MASTL: variants seen among roughly 807,000 people sequenced by gnomAD.
MASTL encodes serine/threonine-protein kinase greatwall.
MASTL carries 54 observed loss-of-function variants against 82.5 expected under a neutral mutation model. The observed-to-expected ratio is 0.65, with a 90% CI of 0.53 to 0.82. The LOEUF (loss-of-function observed/expected upper bound fraction) is 0.82. MASTL is among the 40% of genes least tolerant of loss of function. The probability of loss-of-function intolerance (pLI) is 0.00; values close to 1 mark genes in which losing one functional copy is unlikely to be tolerated. For synonymous variants in MASTL, 323 were observed against 368.9 expected (o/e 0.88, Z 1.43); for missense variants, 950 against 1,047.8 (o/e 0.91, Z 1.29).
At position 27,155,354 on chromosome 10, in the gene MASTL, T is replaced by C. The variant is rs2057316686; in HGVS notation, c.-73T>C. The C allele has an allele frequency of 3.4e-6, 5 of 1,469,936 alleles. No individual in the cohort carries two copies. The highest frequency in any genetic ancestry group is 2.4e-4 in the Middle Eastern group (1 of 4,154). The allele number at this position is 1,469,936 out of a possible 1,614,324, so 91.1% of individuals were successfully genotyped here. On this transcript the variant is annotated 5_prime_UTR_variant, in exon 1 of 12. Coordinates refer to ENST00000375940, the MANE Select transcript of MASTL (RefSeq NM_001172303.3). The stretch of plus-strand genomic sequence containing the variant: ...GCGCGCGGCGTGGGCGGAGCCTCAC[T>C]TTGAACCCAGTTGGCGGGAGTGGCT...
chr10:27,163,620 T>C (rs1470831913), intron 4 of MASTL, among the ~76,000 whole-genome samples: 1 of 147,206 alleles, frequency 6.8e-6, no homozygotes, highest in Non-Finnish European at 1.5e-5. Context: ...ATTTACTTAT[T>C]TGTTTTTTTT....
In MASTL at chr10:27,158,092, ATT is replaced by A. The variant is rs2057452425; in HGVS notation, c.187-451_187-450del. Among the ~76,000 whole-genome samples the A allele has an allele frequency of 2.0e-5, 3 of 152,278 alleles. No homozygotes were observed. The South Asian group carries it at 6.2e-4, about 32-fold the overall frequency. On this transcript the variant is annotated intron_variant, in intron 1 of 11. Coordinates refer to ENST00000375940, the MANE Select transcript of MASTL (RefSeq NM_001172303.3). ...CAAGATAAGCAATTCTATCTTGAAG[ATT>A]TTTTTAAACCGTCTTAACTATTTTT...
Position 27,155,529 on chromosome 10 carries a change from T to C in MASTL, c.103T>C (p.Phe35Leu), listed in dbSNP as rs1198876210. Residue 35 changes from phenylalanine (F) to leucine (L), a missense_variant, in exon 1 of 12, where the codon TTC (phenylalanine) becomes CTC (leucine). Transcript: ENST00000375940. ...AVPKPPSIEE[F>L]SIVKPISRGA... ...GCCAAAACCGCCCTCCATTGAGGAATTCAGCATAGTGAAGCCCATTAGCCG... is the reference window on the plus strand; with the variant it reads ...GCCAAAACCGCCCTCCATTGAGGAACTCAGCATAGTGAAGCCCATTAGCCG... 7 of 1,614,064 alleles carry C rather than the reference T, an allele frequency of 4.3e-6. No individual in the cohort carries two copies. The highest frequency in any genetic ancestry group is 5.9e-6 in the Non-Finnish European group (7 of 1,180,024).
chr10:27,154,532 A>G (rs911138519), upstream of MASTL: 1 of 460,048 alleles, frequency 2.2e-6, no homozygotes, highest in Non-Finnish European at 3.9e-6. Flanking sequence ...GCTGTTTTTT[A>G]AGGGGAGAAC....
intron 11 of MASTL, 40 bp from the exon 12 acceptor site, chr10:27,186,339 G>A: frequency 6.4e-7 from 1 of 1,570,574 alleles, no homozygotes; most frequent in Non-Finnish European, 8.8e-7. Context: ...ACTTACTTAG[G>A]TAATGATATC....
Position 27,173,205 on chromosome 10 carries a change from A to C in MASTL, c.2212A>C (p.Ile738Leu). 1 of 1,614,220 alleles carries C rather than the reference A, an allele frequency of 6.2e-7. No individual in the cohort carries two copies. The stretch of plus-strand genomic sequence containing the variant: ...GGTGGCCCCCGTTGATGATGGGCGA[A>C]TTCTAGGAACCCCAGACTACCTTGC... ...RGVAPVDDGR[I>L]LGTPDYLAPE... Residue 738 changes from isoleucine to leucine, a missense_variant, in exon 9 of 12, where the codon ATT becomes CTT. Ile to Leu is a conservative substitution (Grantham distance 5). Coordinates refer to ENST00000375940, the MANE Select transcript of MASTL (RefSeq NM_001172303.3).
At chr10:27,165,259 A>G in intron 5 of MASTL, 89 bp downstream of exon 5, 1 of 1,382,688 alleles carries the variant, frequency 7.2e-7, no homozygotes, top group African/African-American at 1.4e-5. Flanking sequence ...AAAGATCAAA[A>G]TAGATTTAAA....
chr10:27,185,478 C>A (rs1316936350), intron 11 of MASTL, among the ~76,000 whole-genome samples: 1 of 151,690 alleles, frequency 6.6e-6, no homozygotes, highest in African/African-American at 2.4e-5. Context: ...ACTAAAAATA[C>A]AAAAATTAGC....
chr10:27,163,103 GAC>G (rs1468913955), intron 4 of MASTL, among the ~76,000 whole-genome samples: 3 of 152,066 alleles, frequency 2.0e-5, no homozygotes, highest in South Asian at 2.1e-4. Flanking sequence ...TTTTAGTAGA[GAC>G]ACAGTTTCAC....
chr10:27,177,881 A>G, intron 9 of MASTL: 1 of 527,614 alleles, frequency 1.9e-6, no homozygotes, highest in Non-Finnish European at 2.4e-6. Context: ...AAGTATAACT[A>G]GATCACATTG....
intron 4 of MASTL, among the ~76,000 whole-genome samples, chr10:27,163,684 G>A (rs1209876735): frequency 6.6e-6 from 1 of 151,158 alleles, no homozygotes; most frequent in Non-Finnish European, 1.5e-5. Context: ...GTGCTGGAGT[G>A]CAGGGGCACA....
chr10:27,161,204 T>C, intron 4 of MASTL, 22 bp downstream of exon 4: 1 of 1,413,246 alleles, frequency 7.1e-7, no homozygotes, highest in African/African-American at 1.4e-5. Flanking sequence ...ATCAAGTAAG[T>C]ACTTTTTTAA....
At chr10:27,160,122 A>G (rs1483859894) in intron 3 of MASTL, among the ~76,000 whole-genome samples, 1 of 142,236 alleles carries the variant, frequency 7.0e-6, no homozygotes. Flanking sequence ...TAGCCTCCCA[A>G]GTGTCTGGGA....
At position 27,170,885 on chromosome 10, in the gene MASTL, G is replaced by A. The variant is rs1267683680; in HGVS notation, c.1926G>A (p.Val642=). 1.2e-6 allele frequency: 2 copies of A among 1,614,172 alleles called. No individual in the cohort carries two copies. Among genetic ancestry groups the A allele is most frequent in the Non-Finnish European group, 1.7e-6 (2 of 1,180,022 alleles). Reference sequence around the variant, plus strand: ...AAATGTTAGGTCCTCCTTTGGAGGTGCTGAAAACGTTAGCCTCTAAAAGAA... The same window carrying A: ...AAATGTTAGGTCCTCCTTTGGAGGTACTGAAAACGTTAGCCTCTAAAAGAA... ...NQKMLGPPLE[V]LKTLASKRNA... The change falls in exon 8 of 12, where the codon GTG becomes GTA. Residue 642 remains valine, a synonymous_variant. Transcript: ENST00000375940.
chr10:27,182,246 CAA>C (rs139820757), intron 11 of MASTL, among the ~76,000 whole-genome samples: 1 of 135,362 alleles, frequency 7.4e-6, no homozygotes, highest in Non-Finnish European at 1.6e-5. Context: ...GACTCTGTCT[CAA>C]AAAAAAAAAA....
At chr10:27,163,938 C>CATTT (rs35024943) in intron 4 of MASTL, among the ~76,000 whole-genome samples, 90,760 of 150,968 alleles carry the variant, frequency 0.6, 27,562 homozygotes, top group Non-Finnish European at 0.65. Context: ...CCTATTCATT[C>CATTT]ATTTATTTAT....
chr10:27,155,560 C>G lies in MASTL; in HGVS notation c.134C>G (p.Ala45Gly). The change falls in exon 1 of 12, where the codon GCC becomes GGC. Residue 45 changes from alanine to glycine, a missense_variant. Physicochemically the swap from Ala to Gly is moderately conservative, Grantham distance 60. Coordinates refer to ENST00000375940, the MANE Select transcript of MASTL (RefSeq NM_001172303.3). ...ATAGTGAAGCCCATTAGCCGGGGCG[C>G]CTTCGGGAAAGTGTATCTGGGGCAG... is the stretch of plus-strand genomic sequence containing the variant. The part of the protein sequence containing the change: ...FSIVKPISRG[A>G]FGKVYLGQKG... 6.2e-7 allele frequency: 1 copy of G among 1,614,168 alleles called. No homozygotes were observed. Among genetic ancestry groups the G allele is most frequent in the Non-Finnish European group, 8.5e-7 (1 of 1,180,012 alleles).
chr10:27,186,439 T>C lies in MASTL; in HGVS notation c.2543T>C (p.Met848Thr), dbSNP rs2058755601. 1 of 1,614,044 alleles carries C rather than the reference T, an allele frequency of 6.2e-7. No individual in the cohort carries two copies. The highest frequency in any genetic ancestry group is 1.3e-5 in the African/African-American group (1 of 74,934). The change falls in exon 12 of 12, where the codon ATG becomes ACG. Residue 848 changes from methionine (M) to threonine (T), a missense_variant. Coordinates refer to ENST00000375940, the MANE Select transcript of MASTL (RefSeq NM_001172303.3). ...VDWENLQHQT[M>T]PFIPQPDDET... ...TGGGAAAATCTGCAGCATCAGACTATGCCTTTCATCCCCCAGCCAGATGAT... is the reference window on the plus strand; with the variant it reads ...TGGGAAAATCTGCAGCATCAGACTACGCCTTTCATCCCCCAGCCAGATGAT...
intron 11 of MASTL, among the ~76,000 whole-genome samples, chr10:27,185,558 G>A (rs376525172): frequency 2.0e-5 from 3 of 150,914 alleles, no homozygotes; most frequent in East Asian, 2.0e-4. Context: ...GCTTGAACCC[G>A]GGAGGCAGAG....
Sources: gnomAD v4.1 joint callset for allele counts (sites outside exome capture counted in the v4.1 genomes callset) on GRCh38, gnomAD v4.1.1 for gene constraint, MANE v1.5 for transcripts, NCBI Gene and HGNC (gene_info 2026-07-23, HGNC 2026-07-21) for gene names.